FAT3: variants seen among roughly 807,000 people sequenced by gnomAD.
FAT3 encodes protocadherin Fat 3.
A neutral mutation model predicts 310.2 loss-of-function variants in FAT3; 95 were observed. The observed-to-expected ratio is 0.31, with a 90% CI of 0.26 to 0.36. FAT3 has a LOEUF of 0.36. Ranked by LOEUF, FAT3 falls within the 10% of genes least tolerant of loss-of-function variation. The probability of loss-of-function intolerance (pLI) is 1.00; values close to 1 mark genes in which losing one functional copy is unlikely to be tolerated. For synonymous variants in FAT3, 2,314 were observed against 2,192.9 expected (o/e 1.06, Z -1.54); for missense variants, 5,408 against 5,715.6 (o/e 0.95, Z 1.74).
Position 92,801,497 on chromosome 11 carries a change from T to G in FAT3, c.8484T>G (p.Pro2828=). 1.2e-6 allele frequency: 2 copies of G among 1,612,466 alleles called. No homozygotes were observed. Among genetic ancestry groups the G allele is most frequent in the Non-Finnish European group, 1.7e-6 (2 of 1,179,162 alleles). ...SYDTIIMEGM[P]VGTKLTQVRA... ...ACACCATTATAATGGAAGGGATGCCTGTTGGCACCAAACTCACACAAGTGA... is the reference window on the plus strand; with the variant it reads ...ACACCATTATAATGGAAGGGATGCCGGTTGGCACCAAACTCACACAAGTGA... Residue 2828 remains proline (P), a synonymous_variant, in exon 10 of 28, where the codon CCT becomes CCG. Transcript: ENST00000525166.
In FAT3 at chr11:92,353,774, A is replaced by G; in HGVS notation, c.1662A>G (p.Ser554=). Residue 554 remains serine (S), a synonymous_variant, in exon 2 of 28, where the codon TCA becomes TCG. Transcript: ENST00000525166. The part of the protein sequence containing the change: ...RFIVRASDWG[S]PYRHESEVNV... ...TTGTTAGAGCCTCTGACTGGGGTTC[A>G]CCATACCGCCATGAAAGTGAGGTCA... 1.2e-6 allele frequency: 2 copies of G among 1,613,516 alleles called. No individual in the cohort carries two copies. The highest frequency in any genetic ancestry group is 1.7e-6 in the Non-Finnish European group (2 of 1,179,578).
intron 2 of FAT3, among the ~76,000 whole-genome samples, chr11:92,388,999 T>A (rs1470541127): frequency 1.3e-5 from 2 of 152,168 alleles, no homozygotes; most frequent in Non-Finnish European, 2.9e-5. Context: ...TCCTATACTC[T>A]CCTGGAACAT....
rs2136442468 is a variant in FAT3 at position 92,890,521 on chromosome 11, C to G, written c.13178C>G (p.Pro4393Arg). Residue 4393 changes from proline to arginine, a missense_variant, in exon 28 of 28, where the codon CCA (proline) becomes CGA (arginine). Pro to Arg is a moderately radical substitution (Grantham distance 103). This residue lies in a region of FAT3 where 649 missense variants were observed against 666.2 expected (regional missense o/e 0.97). Coordinates refer to ENST00000525166, the MANE Select transcript of FAT3 (RefSeq NM_001367949.2). ...AYHWDTSDWM[P>R]GARLSDIEEV... ...CACTGGGACACCTCTGATTGGATGC[C>G]AGGGGCCCGCCTGTCGGACATAGAG... The G allele has an allele frequency of 1.2e-6, 2 of 1,613,264 alleles. No homozygotes were observed. The highest frequency in any genetic ancestry group is 4.5e-5 in the East Asian group (2 of 44,864).
chr11:92,732,958 G>C (rs976540925), intron 4 of FAT3, among the ~76,000 whole-genome samples: 3 of 152,182 alleles, frequency 2.0e-5, no homozygotes, highest in Non-Finnish European at 4.4e-5. Flanking sequence ...CACTGAGTTT[G>C]ATGTTAAAAA....
intron 4 of FAT3, among the ~76,000 whole-genome samples, chr11:92,700,387 A>G (rs987163910): frequency 1.3e-5 from 2 of 152,102 alleles, no homozygotes; most frequent in African/African-American, 4.8e-5. Flanking sequence ...CAGGGGTGAC[A>G]TGATGTGACT....
Position 92,890,706 on chromosome 11 carries a change from C to G in FAT3, c.13363C>G (p.Leu4455Val), listed in dbSNP as rs1379673740. The change falls in exon 28 of 28, where the codon CTC becomes GTC. Residue 4455 changes from leucine (L) to valine (V), a missense_variant. By Grantham distance (32) the Leu-to-Val change is conservative. Around this residue, in one of 5 missense-constraint regions of FAT3, gnomAD observed 649 missense variants for 666.2 expected, o/e 0.97. Transcript: ENST00000525166. ...GAGTCAGGACCAGCTGCCTCCTCCTCTCCCGGAGGACTTCCCAGACCAATA... is the reference window on the plus strand; with the variant it reads ...GAGTCAGGACCAGCTGCCTCCTCCTGTCCCGGAGGACTTCCCAGACCAATA... The part of the protein sequence containing the change: ...FLSQDQLPPP[L>V]PEDFPDQYEA... The G allele has an allele frequency of 3.1e-6, 5 of 1,613,688 alleles. No homozygotes were observed. The highest frequency in any genetic ancestry group is 4.2e-6 in the Non-Finnish European group (5 of 1,179,792).
chr11:92,856,741 T>G (rs549658246), intron 19 of FAT3, among the ~76,000 whole-genome samples: 84 of 152,244 alleles, frequency 5.5e-4, no homozygotes, highest in African/African-American at 1.9e-3. Context: ...TTTAGAAATG[T>G]CTTTTTTTTT....
At chr11:92,668,645 C>A (rs192233903) in intron 3 of FAT3, among the ~76,000 whole-genome samples, 6 of 152,294 alleles carry the variant, frequency 3.9e-5, no homozygotes, top group African/African-American at 1.2e-4. Context: ...AAAAATAATA[C>A]CTTCCTGCAG....
intron 3 of FAT3, among the ~76,000 whole-genome samples, chr11:92,692,771 G>A (rs1033845511): frequency 5.9e-5 from 9 of 152,148 alleles, no homozygotes; most frequent in South Asian, 2.1e-4. Context: ...ATTAATTGTC[G>A]CTCACAAAGC....
chr11:92,802,881 C>A (rs1947399583), intron 10 of FAT3, among the ~76,000 whole-genome samples: 1 of 152,280 alleles, frequency 6.6e-6, no homozygotes, highest in Non-Finnish European at 1.5e-5. Flanking sequence ...GTTAATTAAT[C>A]ACTGCAGAAT....
chr11:92,602,350 A>T (rs1791545), intron 3 of FAT3, among the ~76,000 whole-genome samples: 4 of 152,012 alleles, frequency 2.6e-5, no homozygotes, highest in African/African-American at 9.7e-5. Context: ...TGATCCGCCC[A>T]CCTGGGCCTA....
intron 20 of FAT3, 71 bp from the exon 21 acceptor site, chr11:92,859,094 G>A (rs1949055946): frequency 6.9e-7 from 1 of 1,447,954 alleles, no homozygotes; most frequent in Non-Finnish European, 9.3e-7. Context: ...TGGTTGTTGG[G>A]TGATTTCATG....
chr11:92,230,019 T>C (rs1377641290), intron 1 of FAT3, among the ~76,000 whole-genome samples: 1 of 152,138 alleles, frequency 6.6e-6, no homozygotes, highest in Non-Finnish European at 1.5e-5. Context: ...CAATGCATTA[T>C]TGAAGGTGTT....
intron 1 of FAT3, among the ~76,000 whole-genome samples, chr11:92,312,271 A>T (rs564821202): frequency 1.1e-3 from 160 of 152,332 alleles, no homozygotes; most frequent in Non-Finnish European, 1.6e-3. Context: ...GTTTAGTAAT[A>T]GTCACAGAAT....
intron 19 of FAT3, among the ~76,000 whole-genome samples, chr11:92,856,767 A>G (rs1307081306): frequency 6.6e-6 from 1 of 152,014 alleles, no homozygotes; most frequent in East Asian, 1.9e-4. Flanking sequence ...TCTGAAATCA[A>G]CCTCCAAGTT....
At chr11:92,833,985 A>C (rs776288085) in intron 14 of FAT3, among the ~76,000 whole-genome samples, 3 of 152,216 alleles carry the variant, frequency 2.0e-5, no homozygotes, top group South Asian at 4.1e-4. Context: ...CAGTCTTAGC[A>C]ACTAGAGAAG....
At chr11:92,317,876 G>A (rs180769765) in intron 1 of FAT3, among the ~76,000 whole-genome samples, 56 of 152,176 alleles carry the variant, frequency 3.7e-4, no homozygotes, top group Admixed American at 2.5e-3. Context: ...GCTAATAGTC[G>A]TTATTTTTTT....
intron 4 of FAT3, among the ~76,000 whole-genome samples, chr11:92,730,071 G>A (rs1054512229): frequency 6.6e-6 from 1 of 152,100 alleles, no homozygotes; most frequent in African/African-American, 2.4e-5. Context: ...TTTGGGCCAG[G>A]TAGATCATGT....
chr11:92,705,357 TGTGATGGTGTTG>T (rs1280907189), intron 4 of FAT3, among the ~76,000 whole-genome samples: 4 of 99,760 alleles, frequency 4.0e-5, no homozygotes, highest in Non-Finnish European at 6.2e-5. Context: ...ATGATGGTAG[TGTGATGGTGTTG>T]GTGATGGTGT....
Sources: gnomAD v4.1 joint callset for allele counts (sites outside exome capture counted in the v4.1 genomes callset) on GRCh38, gnomAD v4.1.1 for gene constraint, gnomAD v4.1.1 regional missense constraint, MANE v1.5 for transcripts, NCBI Gene and HGNC (gene_info 2026-07-23, HGNC 2026-07-21) for gene names.